Variants in PDGFD observed in about 807,000 individuals in gnomAD.
The protein encoded by PDGFD is platelet derived growth factor D.
PDGFD carries 30 observed loss-of-function variants against 44.7 expected under a neutral mutation model. That is an observed-to-expected ratio of 0.67 (90% CI 0.50 to 0.91). The LOEUF (loss-of-function observed/expected upper bound fraction) is 0.91. PDGFD is among the 40% of genes least tolerant of loss of function. PDGFD has a pLI of 0.00. For missense variants in PDGFD, 445 were observed against 457.8 expected (o/e 0.97, Z 0.25); for synonymous variants, 173 against 168.4 (o/e 1.03, Z -0.21).
At chr11:104,132,735 GA>G (rs1190675187) in intron 1 of PDGFD, among the ~76,000 whole-genome samples, 1 of 151,966 alleles carries the variant, frequency 6.6e-6, no homozygotes, top group African/African-American at 2.4e-5. Flanking sequence ...ATCTAACCCA[GA>G]ATTCACTGTG....
chr11:103,948,210 GA>G (rs1858691437), intron 3 of PDGFD, among the ~76,000 whole-genome samples: 1 of 152,136 alleles, frequency 6.6e-6, no homozygotes, highest in African/African-American at 2.4e-5. Context: ...CTTGCCTGCT[GA>G]CCTGGTCCAA....
At chr11:104,158,213 TATG>T (rs750857156) in intron 1 of PDGFD, among the ~76,000 whole-genome samples, 2 of 152,218 alleles carry the variant, frequency 1.3e-5, no homozygotes, top group Non-Finnish European at 2.9e-5. Context: ...GTAAAACTCT[TATG>T]ATGAACACAC....
chr11:103,932,931 T>C (rs1182745398), intron 5 of PDGFD, among the ~76,000 whole-genome samples: 1 of 152,158 alleles, frequency 6.6e-6, no homozygotes, highest in African/African-American at 2.4e-5. Flanking sequence ...TAGGTTAGAA[T>C]TAAGAAACTA....
chr11:104,023,151 T>A (rs1227026466), intron 1 of PDGFD, among the ~76,000 whole-genome samples: 1 of 152,166 alleles, frequency 6.6e-6, no homozygotes, highest in East Asian at 1.9e-4. Context: ...CTGCTATAAC[T>A]ATGACCTTGA....
intron 3 of PDGFD, among the ~76,000 whole-genome samples, chr11:103,984,969 T>C (rs1361914620): frequency 7.7e-6 from 1 of 130,314 alleles, no homozygotes; most frequent in Non-Finnish European, 1.6e-5. Context: ...ATAGTTATAT[T>C]TATTTAATAT....
intron 1 of PDGFD, among the ~76,000 whole-genome samples, chr11:104,029,566 T>C (rs1441173778): frequency 6.6e-6 from 1 of 152,260 alleles, no homozygotes; most frequent in Non-Finnish European, 1.5e-5. Context: ...ACCATGTTGT[T>C]ATGGTACATT....
chr11:103,932,902 T>C (rs1365164393), intron 5 of PDGFD, among the ~76,000 whole-genome samples: 1 of 152,176 alleles, frequency 6.6e-6, no homozygotes, highest in Non-Finnish European at 1.5e-5. Flanking sequence ...GTCTAGGATG[T>C]GGTGTAGTGC....
At chr11:103,921,132 TC>T (rs1322814786) in intron 6 of PDGFD, among the ~76,000 whole-genome samples, 2 of 151,980 alleles carry the variant, frequency 1.3e-5, no homozygotes, top group African/African-American at 4.8e-5. Context: ...TCTATTGCCC[TC>T]TCTTGGTAGG....
intron 3 of PDGFD, among the ~76,000 whole-genome samples, chr11:103,959,158 T>C (rs747322805): frequency 4.6e-5 from 7 of 152,188 alleles, no homozygotes; most frequent in Non-Finnish European, 1.0e-4. Context: ...TATTTCCTAG[T>C]GAGGTGACTT....
chr11:104,018,199 G>A (rs1208806895), intron 1 of PDGFD, among the ~76,000 whole-genome samples: 1 of 151,954 alleles, frequency 6.6e-6, no homozygotes, highest in Non-Finnish European at 1.5e-5. Flanking sequence ...TAAAGACTGG[G>A]ACTCATTCAG....
chr11:103,930,664 T>C (rs1376194724), intron 5 of PDGFD, among the ~76,000 whole-genome samples: 3 of 152,202 alleles, frequency 2.0e-5, no homozygotes, highest in Middle Eastern at 3.4e-3. Context: ...TGTAAAGATT[T>C]GAAGGAGGGT....
At chr11:104,155,348 G>A (rs1400155886) in intron 1 of PDGFD, among the ~76,000 whole-genome samples, 3 of 151,972 alleles carry the variant, frequency 2.0e-5, no homozygotes, top group South Asian at 2.1e-4. Context: ...GTTATTCCCC[G>A]GCAATATACG....
chr11:103,920,062 G>A (rs188132572), intron 6 of PDGFD, among the ~76,000 whole-genome samples: 2 of 152,284 alleles, frequency 1.3e-5, no homozygotes, highest in East Asian at 1.9e-4. Flanking sequence ...AGCAGTGGCT[G>A]GCATTGTAAC....
At chr11:104,103,273 T>C (rs1348809855) in intron 1 of PDGFD, among the ~76,000 whole-genome samples, 1 of 151,994 alleles carries the variant, frequency 6.6e-6, no homozygotes, top group Non-Finnish European at 1.5e-5. Context: ...ATCTAAATGT[T>C]ACCTTTTTAT....
intron 3 of PDGFD, among the ~76,000 whole-genome samples, chr11:103,967,257 T>C (rs939805193): frequency 2.6e-5 from 4 of 152,160 alleles, no homozygotes; most frequent in African/African-American, 4.8e-5. Flanking sequence ...CCTGGTCATT[T>C]CCCCACATTC....
chr11:103,954,992 G>C (rs2134331526), intron 3 of PDGFD, among the ~76,000 whole-genome samples: 1 of 149,946 alleles, frequency 6.7e-6, no homozygotes, highest in South Asian at 2.1e-4. Flanking sequence ...GTGAAACCCC[G>C]TCTCTACTAA....
At chr11:103,949,632 C>T (rs937479805) in intron 3 of PDGFD, among the ~76,000 whole-genome samples, 1 of 152,176 alleles carries the variant, frequency 6.6e-6, no homozygotes. Flanking sequence ...TAATCACCTG[C>T]TATTAATACT....
chr11:104,130,462 C>A (rs1591179595), intron 1 of PDGFD, among the ~76,000 whole-genome samples: 1 of 152,118 alleles, frequency 6.6e-6, no homozygotes, highest in East Asian at 1.9e-4. Flanking sequence ...AAGAGATTAA[C>A]CCACTTTTCT....
At chr11:104,102,306 A>G (rs1167405677) in intron 1 of PDGFD, among the ~76,000 whole-genome samples, 1 of 152,238 alleles carries the variant, frequency 6.6e-6, no homozygotes, top group Non-Finnish European at 1.5e-5. Context: ...ACATTTATGC[A>G]GCCAAAAAAC....
Sources: gnomAD v4.1 joint callset for allele counts (sites outside exome capture counted in the v4.1 genomes callset) on GRCh38, gnomAD v4.1.1 for gene constraint, MANE v1.5 for transcripts, NCBI Gene and HGNC (gene_info 2026-07-23, HGNC 2026-07-21) for gene names.